Variants in COL25A1 observed in about 807,000 individuals in gnomAD.
COL25A1 encodes the protein collagen alpha-1(XXV) chain.
Under a neutral mutation model 128.4 loss-of-function variants are expected in COL25A1, and 103 were observed. The ratio of observed to expected loss-of-function variants is 0.80; its 90% CI spans 0.68 to 0.94. COL25A1 has a LOEUF of 0.94. Among genes scored for constraint, COL25A1 ranks in the 40% least tolerant of loss-of-function variants. The probability of loss-of-function intolerance (pLI) is 0.00; values close to 1 mark genes in which losing one functional copy is unlikely to be tolerated. For synonymous variants in COL25A1, 279 were observed against 277.2 expected (o/e 1.01, Z -0.06); for missense variants, 745 against 840.0 (o/e 0.89, Z 1.40).
intron 10 of COL25A1, 39 bp from the exon 11 acceptor site, chr4:108,937,882 G>A: frequency 2.0e-6 from 3 of 1,531,206 alleles, no homozygotes; most frequent in East Asian, 2.3e-5. Context: ...AACGCTGTAA[G>A]TATTTAAAAA....
chr4:109,252,166 A>G (rs1007728600), intron 3 of COL25A1, among the ~76,000 whole-genome samples: 2 of 152,262 alleles, frequency 1.3e-5, no homozygotes, highest in Non-Finnish European at 2.9e-5. Flanking sequence ...AGGCAAATCC[A>G]TATCTACAGT....
intron 12 of COL25A1, among the ~76,000 whole-genome samples, chr4:108,919,768 A>T (rs188107821): frequency 0.019 from 2,885 of 149,932 alleles, 92 homozygotes; most frequent in African/African-American, 0.065. Flanking sequence ...GAAAAAAAAA[A>T]TTTTTTTTTT....
chr4:109,200,455 C>A (rs1055141462), intron 3 of COL25A1, among the ~76,000 whole-genome samples: 1 of 151,784 alleles, frequency 6.6e-6, no homozygotes, highest in Middle Eastern at 3.4e-3. Flanking sequence ...TCTCTCCTAA[C>A]GTATCTTTTG....
intron 3 of COL25A1, among the ~76,000 whole-genome samples, chr4:109,134,045 C>A: frequency 6.6e-6 from 1 of 151,734 alleles, no homozygotes; most frequent in East Asian, 1.9e-4. Context: ...TGAAAAACAG[C>A]CAGATAAGAA....
In COL25A1 at chr4:108,870,864, C is replaced by T. The variant is rs926026386; in HGVS notation, c.1021-1714G>A. On this transcript the variant is annotated intron_variant, in intron 19 of 37. Coordinates refer to ENST00000399132, the MANE Select transcript of COL25A1 (RefSeq NM_198721.4). ...CAAGTTAATATGTTGAAAGTTTACACGGAAACCAGAATTCTTGTATATATT... is the reference window on the plus strand; with the variant it reads ...CAAGTTAATATGTTGAAAGTTTACATGGAAACCAGAATTCTTGTATATATT... Among the ~76,000 whole-genome samples, 8 of 152,058 alleles carry T rather than the reference C, an allele frequency of 5.3e-5. 1 individual carries two copies. The South Asian group carries it at 1.0e-3, about 20-fold the overall frequency.
chr4:108,911,676 A>T (rs1744238791), intron 13 of COL25A1, among the ~76,000 whole-genome samples: 1 of 152,188 alleles, frequency 6.6e-6, no homozygotes, highest in South Asian at 2.1e-4. Context: ...TATGGATACA[A>T]TTTAATCAGA....
intron 32 of COL25A1, among the ~76,000 whole-genome samples, chr4:108,829,391 CTAT>C (rs1732791424): frequency 3.7e-4 from 3 of 8,044 alleles, no homozygotes; most frequent in Non-Finnish European, 7.9e-4. Context: ...AAGTGTGTAT[CTAT>C]CTATCTATCT....
At chr4:109,151,613 C>T (rs1771515794) in intron 3 of COL25A1, among the ~76,000 whole-genome samples, 3 of 152,082 alleles carry the variant, frequency 2.0e-5, no homozygotes, top group Admixed American at 2.0e-4. Context: ...ATGGGAATCC[C>T]TCCAAGCTGT....
chr4:109,227,132 T>C (rs4472217), intron 3 of COL25A1, among the ~76,000 whole-genome samples: 1 of 152,166 alleles, frequency 6.6e-6, no homozygotes, highest in African/African-American at 2.4e-5. Flanking sequence ...CCTTCACAAA[T>C]GCAGATGTAC....
At chr4:108,883,183 ACTCAG>A (rs1327985746) in intron 19 of COL25A1, among the ~76,000 whole-genome samples, 3 of 152,056 alleles carry the variant, frequency 2.0e-5, no homozygotes, top group Non-Finnish European at 4.4e-5. Flanking sequence ...CTGAGATCAC[ACTCAG>A]ATAATTTTTT....
At chr4:108,946,820 G>C (rs1052558150) in intron 8 of COL25A1, among the ~76,000 whole-genome samples, 2 of 152,182 alleles carry the variant, frequency 1.3e-5, no homozygotes, top group East Asian at 3.9e-4. Flanking sequence ...TAAAACTGAA[G>C]ATAGACCATT....
At chr4:109,061,704 G>C (rs1252854692) in intron 3 of COL25A1, among the ~76,000 whole-genome samples, 1 of 152,080 alleles carries the variant, frequency 6.6e-6, no homozygotes, top group Non-Finnish European at 1.5e-5. Context: ...CAATCGCCTA[G>C]CCTCCCCAAC....
At chr4:108,969,540 C>G (rs1296771041) in intron 8 of COL25A1, among the ~76,000 whole-genome samples, 1 of 152,208 alleles carries the variant, frequency 6.6e-6, no homozygotes, top group Admixed American at 6.5e-5. Context: ...CATATCCTAG[C>G]TTTCATGGTG....
chr4:109,214,551 A>G (rs923256163), intron 3 of COL25A1, among the ~76,000 whole-genome samples: 1 of 151,962 alleles, frequency 6.6e-6, no homozygotes, highest in Non-Finnish European at 1.5e-5. Flanking sequence ...TTAAATATAC[A>G]TTTTTTTATT....
chr4:109,025,120 C>T (rs1457194446), intron 5 of COL25A1, among the ~76,000 whole-genome samples: 1 of 152,156 alleles, frequency 6.6e-6, no homozygotes, highest in Non-Finnish European at 1.5e-5. Flanking sequence ...GTTTGTCAAG[C>T]TTCTAAAACA....
intron 16 of COL25A1, among the ~76,000 whole-genome samples, chr4:108,896,215 T>G (rs1171423840): frequency 1.3e-5 from 2 of 152,024 alleles, no homozygotes; most frequent in African/African-American, 4.8e-5. Context: ...CCCAAAGTGC[T>G]GGGATTACAG....
At chr4:108,903,817 AT>A (rs1482854554) in intron 13 of COL25A1, among the ~76,000 whole-genome samples, 2 of 152,056 alleles carry the variant, frequency 1.3e-5, no homozygotes, top group Non-Finnish European at 2.9e-5. Context: ...GAATATCACA[AT>A]TTTAATTATT....
intron 3 of COL25A1, among the ~76,000 whole-genome samples, chr4:109,077,375 T>G (rs1763466205): frequency 6.6e-6 from 1 of 152,098 alleles, no homozygotes; most frequent in African/African-American, 2.4e-5. Flanking sequence ...AGATCTCTAT[T>G]TCCATAATGC....
At chr4:109,196,111 C>T (rs948912732) in intron 3 of COL25A1, among the ~76,000 whole-genome samples, 1 of 152,152 alleles carries the variant, frequency 6.6e-6, no homozygotes. Context: ...GCAAAGTTCT[C>T]TGTGCGCTGT....
Sources: gnomAD v4.1 joint callset for allele counts (sites outside exome capture counted in the v4.1 genomes callset) on GRCh38, gnomAD v4.1.1 for gene constraint, MANE v1.5 for transcripts, NCBI Gene and HGNC (gene_info 2026-07-23, HGNC 2026-07-21) for gene names.